MGAT4C: variants seen among roughly 807,000 people sequenced by gnomAD.
MGAT4C encodes the protein MGAT4 family member C.
A neutral mutation model predicts 40.1 loss-of-function variants in MGAT4C; 19 were observed. The observed-to-expected ratio is 0.47, with a 90% CI of 0.33 to 0.70. MGAT4C has a LOEUF of 0.70. Ranked by LOEUF, MGAT4C falls within the 30% of genes least tolerant of loss-of-function variation. MGAT4C has a pLI of 0.02. For synonymous variants in MGAT4C, 181 were observed against 187.1 expected (o/e 0.97, Z 0.27); for missense variants, 491 against 563.2 (o/e 0.87, Z 1.30).
chr12:86,445,922 T>C (rs1957325987), intron 2 of MGAT4C, among the ~76,000 whole-genome samples: 1 of 152,254 alleles, frequency 6.6e-6, no homozygotes, highest in African/African-American at 2.4e-5. Context: ...AAAATAATCT[T>C]TCAAATATTG....
chr12:86,594,293 T>G (rs1961445560), intron 2 of MGAT4C, among the ~76,000 whole-genome samples: 1 of 152,072 alleles, frequency 6.6e-6, no homozygotes, highest in Non-Finnish European at 1.5e-5. Context: ...CAGTCTGGAG[T>G]GCAATTTTCA....
At chr12:86,492,050 C>T (rs546270791) in intron 2 of MGAT4C, among the ~76,000 whole-genome samples, 45 of 152,182 alleles carry the variant, frequency 3.0e-4, no homozygotes, top group African/African-American at 1.0e-3. Flanking sequence ...TTCACAATTG[C>T]TTCAAAGAGA....
intron 1 of MGAT4C, among the ~76,000 whole-genome samples, chr12:86,729,310 A>G (rs1282465553): frequency 1.3e-5 from 2 of 152,172 alleles, no homozygotes; most frequent in Non-Finnish European, 2.9e-5. Context: ...CTGTATCAAA[A>G]TATCTCACGT....
At chr12:86,781,319 C>CT (rs924957902) in intron 1 of MGAT4C, among the ~76,000 whole-genome samples, 75 of 148,372 alleles carry the variant, frequency 5.1e-4, no homozygotes, top group Admixed American at 2.2e-3. Context: ...TCATCAACAA[C>CT]TTTTTTTTTT....
chr12:86,730,162 A>T (rs1950885046), intron 1 of MGAT4C, among the ~76,000 whole-genome samples: 1 of 151,628 alleles, frequency 6.6e-6, no homozygotes, highest in Non-Finnish European at 1.5e-5. Flanking sequence ...GAACATAAAT[A>T]AAACAAAATA....
chr12:86,529,306 G>T (rs1429580966), intron 2 of MGAT4C, among the ~76,000 whole-genome samples: 1 of 152,040 alleles, frequency 6.6e-6, no homozygotes, highest in Non-Finnish European at 1.5e-5. Context: ...TGGGTATGAG[G>T]CAATTCACTG....
At chr12:86,012,698 GC>G (rs1888588435) in intron 2 of MGAT4C, among the ~76,000 whole-genome samples, 1 of 151,828 alleles carries the variant, frequency 6.6e-6, no homozygotes, top group Non-Finnish European at 1.5e-5. Flanking sequence ...ATTTCAGTGA[GC>G]TGAGATCGCA....
chr12:86,116,844 C>G (rs372086880), intron 1 of MGAT4C, among the ~76,000 whole-genome samples: 2 of 152,110 alleles, frequency 1.3e-5, no homozygotes, highest in South Asian at 4.2e-4. Flanking sequence ...CTTTAGGGAC[C>G]ATTTTCAATG....
At chr12:85,995,905 CA>C (rs1157975939) in intron 2 of MGAT4C, among the ~76,000 whole-genome samples, 2 of 152,146 alleles carry the variant, frequency 1.3e-5, no homozygotes, top group Non-Finnish European at 2.9e-5. Flanking sequence ...TACTCAGAAG[CA>C]TATTACCTTA....
At chr12:86,658,485 A>G (rs566032133) in intron 2 of MGAT4C, among the ~76,000 whole-genome samples, 1 of 152,206 alleles carries the variant, frequency 6.6e-6, no homozygotes, top group South Asian at 2.1e-4. Context: ...TTTTCTTCAC[A>G]TGCTTACTAT....
intron 2 of MGAT4C, among the ~76,000 whole-genome samples, chr12:86,516,663 TCA>T (rs1271966748): frequency 6.6e-6 from 1 of 151,966 alleles, no homozygotes; most frequent in African/African-American, 2.4e-5. Flanking sequence ...AAAAATCCCA[TCA>T]AAAAAGTAAA....
chr12:86,147,077 ATG>A (rs941080775), intron 1 of MGAT4C, among the ~76,000 whole-genome samples: 5 of 151,892 alleles, frequency 3.3e-5, no homozygotes, highest in African/African-American at 9.7e-5. Context: ...ACATTATGAA[ATG>A]TGTGTGTGTG....
intron 1 of MGAT4C, among the ~76,000 whole-genome samples, chr12:86,200,694 TG>T (rs1304579387): frequency 6.6e-6 from 1 of 152,184 alleles, no homozygotes; most frequent in African/African-American, 2.4e-5. Flanking sequence ...TTATGTATTT[TG>T]CATACAATTT....
At chr12:86,655,845 A>G (rs2136541494) in intron 2 of MGAT4C, among the ~76,000 whole-genome samples, 1 of 152,214 alleles carries the variant, frequency 6.6e-6, no homozygotes, top group African/African-American at 2.4e-5. Context: ...TGGTACTTGA[A>G]TTAAAAAGTT....
intron 2 of MGAT4C, among the ~76,000 whole-genome samples, chr12:86,674,115 A>C (rs1964331733): frequency 1.3e-5 from 2 of 152,266 alleles, no homozygotes; most frequent in South Asian, 4.1e-4. Flanking sequence ...CCAAAACTAC[A>C]GTCAAATATC....
chr12:85,987,138 TTTTTTTTTTTTTTTTTG>T (rs1885315312), intron 3 of MGAT4C, among the ~76,000 whole-genome samples: 2 of 104,974 alleles, frequency 1.9e-5, no homozygotes, highest in African/African-American at 7.8e-5. Flanking sequence ...TTTTTTTTTT[TTTTTTTTTTTTTTTTTG>T]AGACGGAGTC....
intron 1 of MGAT4C, among the ~76,000 whole-genome samples, chr12:86,826,829 T>C (rs1289531606): frequency 2.6e-5 from 4 of 151,350 alleles, no homozygotes; most frequent in African/African-American, 9.7e-5. Flanking sequence ...TTCTCAAGTA[T>C]AATGTTATAC....
chr12:86,184,627 C>CTT (rs201379929), intron 1 of MGAT4C, among the ~76,000 whole-genome samples: 1 of 75,280 alleles, frequency 1.3e-5, no homozygotes, highest in African/African-American at 4.0e-5. Context: ...ATCACATTTT[C>CTT]TTTTTTTTTC....
At chr12:86,603,504 A>C (rs1325363584) in intron 2 of MGAT4C, among the ~76,000 whole-genome samples, 1 of 33,830 alleles carries the variant, frequency 3.0e-5, no homozygotes, top group East Asian at 1.2e-3. Flanking sequence ...TATATACTAT[A>C]TATAGTCTAT....
Sources: allele counts gnomAD v4.1 joint callset (sites outside exome capture counted in the v4.1 genomes callset), GRCh38; gene constraint gnomAD v4.1.1; transcripts MANE v1.5; gene names NCBI Gene and HGNC (gene_info 2026-07-23, HGNC 2026-07-21).